The following COL4A4 variants were observed in gnomAD, a reference collection of about 807,000 sequenced individuals.
COL4A4 encodes collagen type IV alpha 4 chain.
COL4A4 carries 105 observed loss-of-function variants against 192.9 expected under a neutral mutation model. The observed-to-expected ratio is 0.54, with a 90% confidence interval of 0.46 to 0.64. The LOEUF (loss-of-function observed/expected upper bound fraction) is 0.64. COL4A4 is among the 30% of genes least tolerant of loss of function. The pLI is 0.00. For missense variants in COL4A4, 1,967 were observed against 2,169.3 expected (o/e 0.91, Z 1.85); for synonymous variants, 762 against 769.9 (o/e 0.99, Z 0.17).
At chr2:227,070,831 T>A (rs551619406) in intron 25 of COL4A4, among the ~76,000 whole-genome samples, 74 of 151,808 alleles carry the variant, frequency 4.9e-4, no homozygotes, top group African/African-American at 1.7e-3. Flanking sequence ...CATATGTAAC[T>A]AACCTGCACA....
intron 25 of COL4A4, among the ~76,000 whole-genome samples, chr2:227,071,686 T>C (rs2058733170): frequency 6.6e-6 from 1 of 152,132 alleles, no homozygotes; most frequent in African/African-American, 2.4e-5. Context: ...AAACTGAAAT[T>C]GTATCAAGTA....
At chr2:226,988,993 A>G in the COL4A4 span, among the ~76,000 whole-genome samples, 1 of 152,244 alleles carries the variant, frequency 6.6e-6, no homozygotes, top group African/African-American at 2.4e-5. Context: ...CCCTGTCTCC[A>G]AGTCGTAATT....
intron 4 of COL4A4, among the ~76,000 whole-genome samples, chr2:227,131,250 G>C (rs943250848): frequency 6.6e-6 from 1 of 151,402 alleles, no homozygotes; most frequent in Non-Finnish European, 1.5e-5. Context: ...CTGCCTCCCA[G>C]GTTCAAGCAA....
the COL4A4 span, among the ~76,000 whole-genome samples, chr2:226,970,467 G>A: frequency 6.6e-6 from 1 of 152,062 alleles, no homozygotes; most frequent in Non-Finnish European, 1.5e-5. Flanking sequence ...TGTACATGAA[G>A]CATCCTGGTT....
intron 37 of COL4A4, among the ~76,000 whole-genome samples, chr2:227,037,670 CCA>C (rs1969949674): frequency 6.6e-6 from 1 of 152,182 alleles, no homozygotes; most frequent in African/African-American, 2.4e-5. Context: ...ACACTGTCTT[CCA>C]CAACAGTTGA....
chr2:227,135,819 T>C (rs1358520829), intron 4 of COL4A4, among the ~76,000 whole-genome samples: 2 of 151,836 alleles, frequency 1.3e-5, no homozygotes, highest in African/African-American at 2.4e-5. Flanking sequence ...ATTTTTTGTA[T>C]TTTTAGTAGA....
chr2:227,024,683 T>G (rs1295397779), intron 43 of COL4A4, among the ~76,000 whole-genome samples: 1 of 152,244 alleles, frequency 6.6e-6, no homozygotes, highest in African/African-American at 2.4e-5. Context: ...CTGGAATTCT[T>G]ATGAGCTATT....
chr2:227,109,342 A>T, intron 9 of COL4A4, 56 bp from the exon 10 acceptor site: 16 of 1,397,344 alleles, frequency 1.1e-5, no homozygotes, highest in African/African-American at 1.4e-5. Context: ...CATCTTTCAC[A>T]GAAAGAGTTG....
At chr2:227,120,719 C>T in intron 5 of COL4A4, 1 of 327,020 alleles carries the variant, frequency 3.1e-6, no homozygotes, top group South Asian at 3.1e-5. Flanking sequence ...AGGCAGATCA[C>T]TTGAGGTCAG....
chr2:227,141,212 G>C (rs980128726), intron 3 of COL4A4, among the ~76,000 whole-genome samples: 25 of 152,194 alleles, frequency 1.6e-4, no homozygotes, highest in African/African-American at 5.8e-4. Flanking sequence ...AAGCATCAGA[G>C]AAAAGGTTTG....
chr2:227,043,094 C>G lies in COL4A4; in HGVS notation c.3380G>C (p.Gly1127Ala). 1 of 1,613,380 alleles carries G rather than the reference C, an allele frequency of 6.2e-7. No individual in the cohort carries two copies. The highest frequency in any genetic ancestry group is 1.1e-5 in the South Asian group (1 of 91,024). ...PGRPGPPGSS[G>A]PPGCPGDHGM... Reference sequence around the variant, plus strand: ...CAAGGTACCTGGGCACCCTGGTGGTCCAGAGGAGCCAGGTGGCCCTGGCCT... The same window carrying G: ...CAAGGTACCTGGGCACCCTGGTGGTGCAGAGGAGCCAGGTGGCCCTGGCCT... The change falls in exon 36 of 48, where the codon GGA becomes GCA. Residue 1127 changes from glycine (G) to alanine (A), a missense_variant. Coordinates refer to ENST00000396625, the MANE Select transcript of COL4A4 (RefSeq NM_000092.5).
intron 35 of COL4A4, among the ~76,000 whole-genome samples, chr2:227,046,589 A>G (rs189316011): frequency 7.9e-5 from 12 of 152,186 alleles, no homozygotes; most frequent in African/African-American, 2.7e-4. Context: ...CATATTTTAA[A>G]TATTGGTGCA....
At position 227,007,408 on chromosome 2, in the gene COL4A4, C is replaced by G. The variant is rs1201612577; in HGVS notation, c.4990G>C (p.Ala1664Pro). The G allele has an allele frequency of 6.2e-7, 1 of 1,614,216 alleles. No homozygotes were observed. The highest frequency in any genetic ancestry group is 2.2e-5 in the East Asian group (1 of 44,886). The change falls in exon 48 of 48, where the codon GCT becomes CCT. Residue 1664 changes from alanine (A) to proline (P), a missense_variant. Coordinates refer to ENST00000396625, the MANE Select transcript of COL4A4 (RefSeq NM_000092.5). ...TCTTTTAAGGTGTCTGGTGCTGGAG[C>G]AGAGGAAAACTGCAAGTCTGCTTTC... The part of the protein sequence containing the change: ...TVKADLQFSS[A>P]PAPDTLKESQ...
At chr2:227,067,201 A>G (rs1025076776) in intron 25 of COL4A4, among the ~76,000 whole-genome samples, 1 of 152,122 alleles carries the variant, frequency 6.6e-6, no homozygotes, top group African/African-American at 2.4e-5. Context: ...ATACAGGAGC[A>G]CCCAGATTCA....
chr2:227,114,860 T>G (rs2061407608), intron 7 of COL4A4, among the ~76,000 whole-genome samples, 164 bp from the exon 8 acceptor site: 2 of 152,202 alleles, frequency 1.3e-5, no homozygotes, highest in African/African-American at 4.8e-5. Flanking sequence ...CACCCTAAGG[T>G]TCTCACATAT....
At chr2:227,053,543 CTTTTT>C (rs56724633) in intron 31 of COL4A4, among the ~76,000 whole-genome samples, 8 of 102,228 alleles carry the variant, frequency 7.8e-5, no homozygotes, top group Non-Finnish European at 1.1e-4. Flanking sequence ...TTTTCTTTTT[CTTTTT>C]TTTTTTTTTT....
At chr2:227,095,097 A>G (rs1377414270) in intron 19 of COL4A4, among the ~76,000 whole-genome samples, 5 of 152,264 alleles carry the variant, frequency 3.3e-5, no homozygotes, top group African/African-American at 9.6e-5. Context: ...TTAGAGAATC[A>G]GATTTTCTTA....
the COL4A4 span, among the ~76,000 whole-genome samples, chr2:226,989,460 T>C: frequency 6.6e-6 from 1 of 152,226 alleles, no homozygotes; most frequent in Non-Finnish European, 1.5e-5. Context: ...AATATCCTCA[T>C]ATCTTGATCT....
At chr2:227,133,832 AG>A (rs1289836002) in intron 4 of COL4A4, among the ~76,000 whole-genome samples, 1 of 152,092 alleles carries the variant, frequency 6.6e-6, no homozygotes, top group African/African-American at 2.4e-5. Flanking sequence ...CAGAGGTTGC[AG>A]TGAGCCAAGA....
Sources: allele counts gnomAD v4.1 joint callset (sites outside exome capture counted in the v4.1 genomes callset), GRCh38; gene constraint gnomAD v4.1.1; transcripts MANE v1.5; gene names NCBI Gene and HGNC (gene_info 2026-07-23, HGNC 2026-07-21).